Variants in PDE3A observed in about 807,000 individuals in gnomAD.
The protein encoded by PDE3A is phosphodiesterase 3A.
In PDE3A, 43 loss-of-function variants were observed where a neutral mutation model predicts 98.3. That is an observed-to-expected ratio of 0.44 (90% CI 0.34 to 0.56). The LOEUF (loss-of-function observed/expected upper bound fraction) is 0.56. Ranked by LOEUF, PDE3A falls within the 20% of genes least tolerant of loss-of-function variation. The pLI, the probability that PDE3A is intolerant of heterozygous loss-of-function variation, is 0.01. For missense variants in PDE3A, 1,427 were observed against 1,440.7 expected, an observed-to-expected ratio of 0.99 and a Z score of 0.15; for synonymous variants, 663 against 567.9, an observed-to-expected ratio of 1.17 and a Z score of -2.38.
intron 1 of PDE3A, among the ~76,000 whole-genome samples, chr12:20,398,432 C>T (rs1049676645): frequency 6.6e-6 from 1 of 151,528 alleles, no homozygotes; most frequent in Non-Finnish European, 1.5e-5. Flanking sequence ...ACTTTAATCT[C>T]GTTAACCTTG....
In PDE3A at chr12:20,552,396, T is replaced by C; in HGVS notation, c.961-4264T>C. The C allele has an allele frequency of 6.2e-7, 1 of 1,612,962 alleles. No individual in the cohort carries two copies. The highest frequency in any genetic ancestry group is 2.2e-5 in the East Asian group (1 of 44,814). On this transcript the variant is annotated intron_variant, in intron 1 of 15. Transcript: ENST00000359062. The surrounding 1 kb of genome is among the most constrained non-coding windows in gnomAD (Gnocchi z 5.1). The stretch of plus-strand genomic sequence containing the variant: ...GGAGGGACGATGATGAGCCCGGCCC[T>C]TGGACGAAGGAGGGGAAGGACCGGA...
chr12:20,449,655 T>C, intron 1 of PDE3A: 1 of 428,580 alleles, frequency 2.3e-6, no homozygotes, highest in East Asian at 3.7e-5. Flanking sequence ...CAAGTCGCTT[T>C]TCCCCCTATT....
At chr12:20,621,948 C>T (rs11614318) in intron 5 of PDE3A, among the ~76,000 whole-genome samples, 30,518 of 151,894 alleles carry the variant, frequency 0.2, 3,251 homozygotes, top group Non-Finnish European at 0.23. Flanking sequence ...TGTCAGATTC[C>T]GTCTCTGAAT....
intron 2 of PDE3A, among the ~76,000 whole-genome samples, chr12:20,595,392 T>G (rs1000204208): frequency 2.1e-4 from 32 of 152,292 alleles, no homozygotes; most frequent in Middle Eastern, 3.4e-3. Context: ...GAGTTGAAAT[T>G]ATCATGATTG....
At chr12:20,467,845 G>T (rs1161604439) in intron 1 of PDE3A, among the ~76,000 whole-genome samples, 1 of 145,614 alleles carries the variant, frequency 6.9e-6, no homozygotes, top group Non-Finnish European at 1.5e-5. Flanking sequence ...TGAGGCAGAA[G>T]AATCACTTGA....
Position 20,369,145 on chromosome 12 carries a change from G to A in PDE3A, c.-140G>A. ...AAACTTTCAGTGGATTGTGGGCCTG[G>A]GGAGAAGAAGGATTCCGAGGGTGGA... On this transcript the variant is annotated 5_prime_UTR_variant, in exon 1 of 16. Transcript: ENST00000359062. The A allele has an allele frequency of 1.7e-6, 1 of 580,296 alleles. No individual in the cohort carries two copies. The highest frequency in any genetic ancestry group is 2.9e-6 in the Non-Finnish European group (1 of 341,046). 35.9% of individuals were successfully genotyped at this position (580,296 alleles called of 1,614,324 possible).
chr12:20,373,343 A>G (rs896084884), intron 1 of PDE3A, among the ~76,000 whole-genome samples: 2 of 152,140 alleles, frequency 1.3e-5, no homozygotes, highest in Admixed American at 6.5e-5. Flanking sequence ...TGTCTCTCTC[A>G]AAGTACCACT....
At chr12:20,441,567 G>A (rs540454311) in intron 1 of PDE3A, among the ~76,000 whole-genome samples, 2 of 152,254 alleles carry the variant, frequency 1.3e-5, no homozygotes, top group South Asian at 4.1e-4. Context: ...TATGGATAAA[G>A]AATTTAGGAC....
chr12:20,595,283 A>C (rs1200932565), intron 2 of PDE3A, among the ~76,000 whole-genome samples: 1 of 152,078 alleles, frequency 6.6e-6, no homozygotes, highest in Non-Finnish European at 1.5e-5. Flanking sequence ...CTGAAGAAAA[A>C]GGATTTCCTT....
At chr12:20,484,895 G>T (rs949300511) in intron 1 of PDE3A, among the ~76,000 whole-genome samples, 15 of 151,994 alleles carry the variant, frequency 9.9e-5, no homozygotes, top group Admixed American at 8.5e-4. Flanking sequence ...TTCTTGGTGT[G>T]GTTTGTGTGT....
intron 2 of PDE3A, among the ~76,000 whole-genome samples, chr12:20,588,286 G>A (rs1481679451): frequency 1.3e-5 from 2 of 152,164 alleles, no homozygotes; most frequent in Non-Finnish European, 2.9e-5. Flanking sequence ...TTTCCCTAAT[G>A]TAGGAGTAAT....
chr12:20,616,223 T>C lies in PDE3A; in HGVS notation c.1270-7T>C. 1 of 1,613,448 alleles carries C rather than the reference T, an allele frequency of 6.2e-7. No individual in the cohort carries two copies. Among genetic ancestry groups the C allele is most frequent in the East Asian group, 2.2e-5 (1 of 44,854 alleles). On this transcript the variant is annotated splice_region_variant and splice_polypyrimidine_tract_variant and intron_variant, in intron 3 of 15. Coordinates refer to ENST00000359062, the MANE Select transcript of PDE3A (RefSeq NM_000921.5). ...TTCTGGGTAATGAAGTCAAGTCTCT[T>C]TCCTAGCGCCTGAGAAGGAGTTTGC... is the stretch of plus-strand genomic sequence containing the variant.
chr12:20,676,036 G>A (rs1565474252), intron 15 of PDE3A, among the ~76,000 whole-genome samples: 1 of 151,978 alleles, frequency 6.6e-6, no homozygotes, highest in East Asian at 1.9e-4. Context: ...ATTTATAATT[G>A]TTATGTATAT....
intron 1 of PDE3A, among the ~76,000 whole-genome samples, chr12:20,535,203 G>A (rs557629046): frequency 3.3e-4 from 50 of 152,126 alleles, no homozygotes; most frequent in Non-Finnish European, 5.3e-4. Context: ...GGTTCCATCT[G>A]TCTTGACCCC....
In PDE3A at chr12:20,685,238, C is replaced by T. The variant is rs569228726; in HGVS notation, c.*4967C>T. ...CACCAGCCTGACCAACACGGAGAAACCCCGTCTTTACTAAAAATACAAAAT... is the reference window on the plus strand; with the variant it reads ...CACCAGCCTGACCAACACGGAGAAATCCCGTCTTTACTAAAAATACAAAAT... On this transcript the variant is annotated 3_prime_UTR_variant, in exon 16 of 16. Transcript: ENST00000359062. Among the ~76,000 whole-genome samples, 9 of 151,912 alleles carry T rather than the reference C, an allele frequency of 5.9e-5. No individual in the cohort carries two copies. In the South Asian group the frequency reaches 1.9e-3, roughly 32 times the overall value.
chr12:20,583,084 C>G (rs1943108892), intron 2 of PDE3A, among the ~76,000 whole-genome samples: 1 of 151,996 alleles, frequency 6.6e-6, no homozygotes, highest in Non-Finnish European at 1.5e-5. Flanking sequence ...AAGCCCCTGC[C>G]CAGAAACCTG....
chr12:20,681,119 C>T lies in PDE3A; in HGVS notation c.*848C>T, dbSNP rs970186247. On this transcript the variant is annotated 3_prime_UTR_variant, in exon 16 of 16. Transcript: ENST00000359062. ...ACTCAAGGGCTGGGTGAGAGGGCCA[C>T]GTGTTTGGTATTACATTACTGCTAT... 3 of 151,980 alleles carry T rather than the reference C, an allele frequency of 2.0e-5. No individual in the cohort carries two copies. The highest frequency in any genetic ancestry group is 4.4e-5 in the Non-Finnish European group (3 of 68,050). The allele number at this position is 151,980 out of a possible 1,614,324, so 9.4% of individuals were successfully genotyped here.
intron 1 of PDE3A, among the ~76,000 whole-genome samples, chr12:20,555,311 G>A (rs1158723335): frequency 6.6e-6 from 1 of 152,062 alleles, no homozygotes; most frequent in Non-Finnish European, 1.5e-5. Flanking sequence ...ACTGCGCCCC[G>A]GCCTCTAATG....
chr12:20,554,142 A>G (rs1942298562), intron 1 of PDE3A, among the ~76,000 whole-genome samples: 1 of 151,424 alleles, frequency 6.6e-6, no homozygotes. Context: ...TAATTTTACC[A>G]AAGTTTGCAG....
Sources: gnomAD v4.1 joint callset for allele counts (sites outside exome capture counted in the v4.1 genomes callset) on GRCh38, gnomAD v4.1.1 for gene constraint, Gnocchi (gnomAD v3.1) non-coding constraint, MANE v1.5 for transcripts, NCBI Gene and HGNC (gene_info 2026-07-23, HGNC 2026-07-21) for gene names.